RBFOX1: variants seen among roughly 807,000 people sequenced by gnomAD.
RBFOX1 encodes the protein RNA binding fox-1 homolog 1, also known as RNA binding protein fox-1 homolog 1.
In RBFOX1, 8 loss-of-function variants were observed where a neutral mutation model predicts 57.7. That is an observed-to-expected ratio of 0.14 (90% CI 0.08 to 0.25). The LOEUF is 0.25. Among genes scored for constraint, RBFOX1 ranks in the 10% least tolerant of loss-of-function variants. The pLI is 1.00. For synonymous variants in RBFOX1, 326 were observed against 222.4 expected, an observed-to-expected ratio of 1.47 and a Z score of -4.15; for missense variants, 611 against 548.5, an observed-to-expected ratio of 1.11 and a Z score of -1.14.
intron 2 of RBFOX1, among the ~76,000 whole-genome samples, chr16:6,502,327 C>T (rs1440484663): frequency 6.6e-6 from 1 of 152,144 alleles, no homozygotes; most frequent in Non-Finnish European, 1.5e-5. Flanking sequence ...GCTTTAACTT[C>T]AGCTCTGTGA....
At chr16:5,471,776 T>G (rs1372135244) in intron 2 of RBFOX1, among the ~76,000 whole-genome samples, 1 of 152,216 alleles carries the variant, frequency 6.6e-6, no homozygotes, top group African/African-American at 2.4e-5. Flanking sequence ...TAAATCTCCT[T>G]GGCAGCGGTA....
At chr16:5,981,208 G>A (rs2060166320) in intron 4 of RBFOX1, among the ~76,000 whole-genome samples, 1 of 151,870 alleles carries the variant, frequency 6.6e-6, no homozygotes, top group Non-Finnish European at 1.5e-5. Flanking sequence ...CTGCGCCTTG[G>A]CAGCAGCAAT....
At chr16:5,824,309 C>A (rs1327890181) in intron 3 of RBFOX1, among the ~76,000 whole-genome samples, 1 of 152,144 alleles carries the variant, frequency 6.6e-6, no homozygotes, top group Non-Finnish European at 1.5e-5. Flanking sequence ...AGGGGGCTGC[C>A]TCCCTCTTTT....
At chr16:7,174,771 C>G (rs1252299457) in intron 4 of RBFOX1, among the ~76,000 whole-genome samples, 1 of 152,184 alleles carries the variant, frequency 6.6e-6, no homozygotes, top group African/African-American at 2.4e-5. Flanking sequence ...CAAAGCGAGA[C>G]TCAGTCTCAA....
chr16:6,565,209 A>T (rs2097244467), intron 2 of RBFOX1, among the ~76,000 whole-genome samples: 2 of 151,462 alleles, frequency 1.3e-5, no homozygotes, highest in African/African-American at 4.8e-5. Flanking sequence ...GAAAAGACAA[A>T]GTACAAATAG....
At chr16:7,425,251 C>A (rs2098599123) in intron 4 of RBFOX1, among the ~76,000 whole-genome samples, 1 of 152,192 alleles carries the variant, frequency 6.6e-6, no homozygotes, top group Non-Finnish European at 1.5e-5. Context: ...GGATTTACAA[C>A]ACACTGAATG....
At chr16:6,547,275 C>A (rs1292395983) in intron 2 of RBFOX1, among the ~76,000 whole-genome samples, 2 of 152,148 alleles carry the variant, frequency 1.3e-5, no homozygotes, top group Non-Finnish European at 2.9e-5. Flanking sequence ...TCATTACCAG[C>A]CCCGGCTGGT....
At chr16:5,321,799 C>A (rs116027263) in intron 1 of RBFOX1, among the ~76,000 whole-genome samples, 2,290 of 152,234 alleles carry the variant, frequency 0.015, 54 homozygotes, top group African/African-American at 0.052. Flanking sequence ...CGTGTGGCGT[C>A]TGTGACTCTC....
intron 4 of RBFOX1, among the ~76,000 whole-genome samples, chr16:7,108,685 C>T (rs942145696): frequency 7.9e-5 from 12 of 152,100 alleles, no homozygotes; most frequent in African/African-American, 2.7e-4. Context: ...TTGCAACATC[C>T]ACCACAGTTA....
chr16:6,912,780 C>G (rs1055910247), intron 3 of RBFOX1, among the ~76,000 whole-genome samples: 2 of 151,560 alleles, frequency 1.3e-5, no homozygotes, highest in Admixed American at 6.6e-5. Flanking sequence ...ACCACACGTG[C>G]CCGCCTAATT....
intron 4 of RBFOX1, among the ~76,000 whole-genome samples, chr16:7,348,265 G>T (rs186396749): frequency 6.6e-6 from 1 of 152,054 alleles, no homozygotes; most frequent in African/African-American, 2.4e-5. Context: ...TATGTATCCT[G>T]GATTTCTTTG....
intron 3 of RBFOX1, among the ~76,000 whole-genome samples, chr16:6,814,563 C>G (rs1603628090): frequency 6.6e-6 from 1 of 152,060 alleles, no homozygotes; most frequent in Non-Finnish European, 1.5e-5. Context: ...GGAAGTTACA[C>G]TGATGAGCAT....
intron 3 of RBFOX1, among the ~76,000 whole-genome samples, chr16:6,978,153 C>G (rs2087625213): frequency 1.3e-5 from 2 of 152,052 alleles, no homozygotes; most frequent in South Asian, 4.1e-4. Flanking sequence ...GCCCTGGGCC[C>G]CATGGCATAC....
chr16:5,363,963 C>G (rs1185361808), intron 1 of RBFOX1, among the ~76,000 whole-genome samples: 1 of 152,190 alleles, frequency 6.6e-6, no homozygotes, highest in Non-Finnish European at 1.5e-5. Context: ...GCCATCTAGT[C>G]AGATCCTTCA....
intron 2 of RBFOX1, among the ~76,000 whole-genome samples, chr16:5,502,817 C>A (rs145184766): frequency 1.7e-4 from 26 of 152,150 alleles, no homozygotes; most frequent in African/African-American, 6.3e-4. Flanking sequence ...CAGACTCTTC[C>A]GCGTCTCAGG....
At chr16:5,649,075 TATATC>T (rs1214185203) in intron 3 of RBFOX1, among the ~76,000 whole-genome samples, 7 of 151,652 alleles carry the variant, frequency 4.6e-5, no homozygotes, top group African/African-American at 1.5e-4. Context: ...AAAAAAAATA[TATATC>T]AGATGTTTAA....
At chr16:7,695,186 A>G (rs973604483) in intron 14 of RBFOX1, among the ~76,000 whole-genome samples, 1 of 152,158 alleles carries the variant, frequency 6.6e-6, no homozygotes, top group African/African-American at 2.4e-5. Flanking sequence ...TTTTAATATT[A>G]TGTTGCATGC....
At chr16:5,666,986 T>C (rs574616341) in intron 3 of RBFOX1, among the ~76,000 whole-genome samples, 1 of 152,256 alleles carries the variant, frequency 6.6e-6, no homozygotes, top group South Asian at 2.1e-4. Context: ...CCTCTGAGGG[T>C]TGGGCTTGTT....
chr16:6,898,879 G>A (rs971913087), intron 3 of RBFOX1, among the ~76,000 whole-genome samples: 22 of 133,886 alleles, frequency 1.6e-4, no homozygotes, highest in Admixed American at 7.4e-5. Context: ...ATGTACACGT[G>A]TATAATACGT....
Sources: gnomAD v4.1 joint callset for allele counts (sites outside exome capture counted in the v4.1 genomes callset) on GRCh38, gnomAD v4.1.1 for gene constraint, MANE v1.5 for transcripts, NCBI Gene and HGNC (gene_info 2026-07-23, HGNC 2026-07-21) for gene names.